DCC: variants seen among roughly 807,000 people sequenced by gnomAD.
DCC encodes DCC netrin 1 receptor, also known as netrin receptor DCC.
Under a neutral mutation model 172.5 loss-of-function variants are expected in DCC, and 58 were observed. The observed-to-expected ratio is 0.34, with a 90% CI of 0.27 to 0.42. The LOEUF (loss-of-function observed/expected upper bound fraction) is 0.42, where lower values mean the gene tolerates loss of function less well. Among genes scored for constraint, DCC ranks in the 10% least tolerant of loss-of-function variants. DCC has a pLI of 1.00. For synonymous variants in DCC, 709 were observed against 644.5 expected (o/e 1.10, Z -1.52); for missense variants, 1,740 against 1,791.0 (o/e 0.97, Z 0.51).
At chr18:53,031,888 T>A (rs1444877733) in intron 5 of DCC, among the ~76,000 whole-genome samples, 1 of 152,094 alleles carries the variant, frequency 6.6e-6, no homozygotes. Context: ...ATTGTATGTA[T>A]GCAAGTTTAA....
At chr18:52,511,271 ACT>A (rs1438909976) in intron 1 of DCC, among the ~76,000 whole-genome samples, 2 of 107,854 alleles carry the variant, frequency 1.9e-5, no homozygotes, top group Non-Finnish European at 3.9e-5. Flanking sequence ...ACAGGGCAAG[ACT>A]CTGTCTCAAA....
intron 1 of DCC, among the ~76,000 whole-genome samples, chr18:52,363,373 T>C (rs74650475): frequency 0.011 from 1,732 of 152,328 alleles, 31 homozygotes; most frequent in East Asian, 0.066. Flanking sequence ...GTTCATGAGG[T>C]CACCCTTCAG....
At chr18:53,340,842 G>A (rs1481149167) in intron 15 of DCC, among the ~76,000 whole-genome samples, 3 of 152,072 alleles carry the variant, frequency 2.0e-5, no homozygotes, top group Non-Finnish European at 4.4e-5. Flanking sequence ...TGTAGGGGGT[G>A]GGGGGATCTG....
intron 9 of DCC, among the ~76,000 whole-genome samples, chr18:53,185,598 G>A (rs749568230): frequency 2.0e-4 from 31 of 152,162 alleles, no homozygotes; most frequent in African/African-American, 4.8e-4. Flanking sequence ...CACATCTCAC[G>A]AATTCATATA....
At chr18:52,755,755 G>A (rs1236814303) in intron 2 of DCC, among the ~76,000 whole-genome samples, 4 of 152,140 alleles carry the variant, frequency 2.6e-5, no homozygotes, top group African/African-American at 4.8e-5. Flanking sequence ...GTACTCTCAG[G>A]TGCTGTATAG....
intron 1 of DCC, among the ~76,000 whole-genome samples, chr18:52,445,673 A>G (rs1306592292): frequency 6.6e-6 from 1 of 152,170 alleles, no homozygotes; most frequent in Non-Finnish European, 1.5e-5. Flanking sequence ...GGATTTTTCA[A>G]TGAAGTGACA....
chr18:52,953,368 C>T (rs548223829), intron 5 of DCC, among the ~76,000 whole-genome samples: 3 of 152,054 alleles, frequency 2.0e-5, no homozygotes, highest in South Asian at 4.1e-4. Flanking sequence ...TGCACAGCCT[C>T]GACTGATGTC....
rs199772498 is a variant in DCC at position 52,846,544 on chromosome 18, G to GA, written c.413-59490dup. ...AAAGATTGAGACCCTGTCTCAAAGA[G>GA]AAAAAAAAAATTCAGATTTAACTGC... is the stretch of plus-strand genomic sequence containing the variant. On this transcript the variant is annotated intron_variant, in intron 2 of 28. Coordinates refer to ENST00000442544, the MANE Select transcript of DCC (RefSeq NM_005215.4). Among the ~76,000 whole-genome samples, 578 of 144,524 alleles carry GA rather than the reference G, an allele frequency of 4.0e-3. 3 individuals carry two copies. Among genetic ancestry groups the GA allele is most frequent in the East Asian group, 0.014 (70 of 4,988 alleles). 94.8% of individuals were successfully genotyped at this position (144,524 alleles called of 152,430 possible). A position where few individuals can be genotyped will look rare whatever the true frequency, so the allele number is the denominator to read the frequency against.
At chr18:52,932,538 G>A (rs2145505023) in intron 5 of DCC, among the ~76,000 whole-genome samples, 1 of 152,218 alleles carries the variant, frequency 6.6e-6, no homozygotes, top group South Asian at 2.1e-4. Context: ...CCATTAAGTT[G>A]AACATCAGTG....
At chr18:52,855,268 A>C (rs2145348900) in intron 2 of DCC, among the ~76,000 whole-genome samples, 1 of 152,320 alleles carries the variant, frequency 6.6e-6, no homozygotes, top group South Asian at 2.1e-4. Flanking sequence ...TCTTCAACAA[A>C]GTATGGCACT....
chr18:52,705,813 T>A (rs140152504), intron 1 of DCC, among the ~76,000 whole-genome samples: 1 of 152,252 alleles, frequency 6.6e-6, no homozygotes, highest in Non-Finnish European at 1.5e-5. Context: ...GTTTGTTGAA[T>A]GATAAGTGAA....
intron 2 of DCC, among the ~76,000 whole-genome samples, chr18:52,785,659 T>A (rs9945323): frequency 0.046 from 6,934 of 152,176 alleles, 238 homozygotes; most frequent in South Asian, 0.16. Flanking sequence ...TTCTAATGGG[T>A]TGTGATACTG....
At chr18:53,321,747 A>G (rs2057413487) in intron 13 of DCC, among the ~76,000 whole-genome samples, 1 of 152,190 alleles carries the variant, frequency 6.6e-6, no homozygotes, top group Non-Finnish European at 1.5e-5. Flanking sequence ...AAAATTATCC[A>G]TGTAATTTTT....
At chr18:52,788,247 A>C (rs1430374855) in intron 2 of DCC, among the ~76,000 whole-genome samples, 1 of 152,198 alleles carries the variant, frequency 6.6e-6, no homozygotes, top group Non-Finnish European at 1.5e-5. Context: ...ACTAAAAGAC[A>C]CCTTGCAAAT....
chr18:52,715,632 T>G (rs1411952752), intron 1 of DCC, among the ~76,000 whole-genome samples: 2 of 152,040 alleles, frequency 1.3e-5, no homozygotes, highest in African/African-American at 4.8e-5. Flanking sequence ...GAGGCTGACT[T>G]CCGAGGGCTG....
intron 15 of DCC, among the ~76,000 whole-genome samples, chr18:53,371,652 G>C (rs999847589): frequency 6.6e-6 from 1 of 151,822 alleles, no homozygotes. Flanking sequence ...GTTATGAGAA[G>C]TGTCAGCCAG....
intron 5 of DCC, among the ~76,000 whole-genome samples, chr18:53,006,463 A>C (rs552652160): frequency 2.3e-3 from 351 of 152,344 alleles, no homozygotes; most frequent in African/African-American, 7.8e-3. Context: ...TAGAAGAACT[A>C]GCAAAAGAGA....
intron 1 of DCC, among the ~76,000 whole-genome samples, chr18:52,633,842 G>A (rs2034722079): frequency 6.6e-6 from 1 of 152,166 alleles, no homozygotes; most frequent in Non-Finnish European, 1.5e-5. Context: ...AAACATATAA[G>A]GCACTAGGTA....
At chr18:52,528,801 C>T (rs1332002350) in intron 1 of DCC, among the ~76,000 whole-genome samples, 4 of 152,100 alleles carry the variant, frequency 2.6e-5, no homozygotes, top group Non-Finnish European at 5.9e-5. Context: ...ATTAAGTCTA[C>T]AGATGCTCAA....
Sources: gnomAD v4.1 joint callset for allele counts (sites outside exome capture counted in the v4.1 genomes callset) on GRCh38, gnomAD v4.1.1 for gene constraint, MANE v1.5 for transcripts, NCBI Gene and HGNC (gene_info 2026-07-23, HGNC 2026-07-21) for gene names.